CYB5B: variants seen among roughly 807,000 people sequenced by gnomAD.
CYB5B encodes the protein cytochrome b5 type B.
CYB5B carries 14 observed loss-of-function variants against 21.3 expected under a neutral mutation model. The observed-to-expected ratio is 0.66, with a 90% CI of 0.43 to 1.03. The LOEUF is 1.03. Among genes scored for constraint, CYB5B ranks in the 50% least tolerant of loss-of-function variants. The pLI is 0.00. For synonymous variants in CYB5B, 69 were observed against 68.4 expected (o/e 1.01, Z -0.04); for missense variants, 166 against 185.1 (o/e 0.90, Z 0.60).
chr16:69,436,084 T>C (rs1276713783), intron 1 of CYB5B, among the ~76,000 whole-genome samples: 2 of 152,252 alleles, frequency 1.3e-5, no homozygotes, highest in Non-Finnish European at 2.9e-5. Flanking sequence ...TCTACTTTCA[T>C]TTATTTATTC....
chr16:69,465,587 C>G lies in CYB5B; in HGVS notation c.*3067C>G, dbSNP rs2015081245. ...ATGCATATGTTGTGAAATCAGAACA[C>G]TGTCGAGTTTATACTCATTTAGCTG... On this transcript the variant is annotated 3_prime_UTR_variant, in exon 5 of 5. Transcript: ENST00000307892. The G allele has an allele frequency of 1.3e-5, 2 of 152,212 alleles. No homozygotes were observed. The highest frequency in any genetic ancestry group is 4.8e-5 in the African/African-American group (2 of 41,452). 9.4% of individuals were successfully genotyped at this position (152,212 alleles called of 1,614,324 possible).
At chr16:69,437,025 T>C (rs1473140654) in intron 1 of CYB5B, among the ~76,000 whole-genome samples, 3 of 152,238 alleles carry the variant, frequency 2.0e-5, no homozygotes, top group Non-Finnish European at 4.4e-5. Flanking sequence ...AGTCAGTAGA[T>C]TTCCCCTACT....
At chr16:69,445,603 A>C (rs1285766003) in intron 1 of CYB5B, among the ~76,000 whole-genome samples, 5 of 152,226 alleles carry the variant, frequency 3.3e-5, no homozygotes, top group African/African-American at 9.7e-5. Flanking sequence ...ATTTAAGTCA[A>C]GGACTGTGCT....
chr16:69,450,316 A>G (rs1395112967), intron 3 of CYB5B: 1 of 151,936 alleles, frequency 6.6e-6, no homozygotes. Context: ...ACCAAGTTCT[A>G]TAATAATTTA....
Position 69,453,916 on chromosome 16 carries a change from G to A in CYB5B, c.334-5177G>A, listed in dbSNP as rs372368474. Among the ~76,000 whole-genome samples the A allele has an allele frequency of 2.0e-3, 306 of 152,260 alleles. 1 individual carries two copies. The highest frequency in any genetic ancestry group is 6.6e-3 in the South Asian group (32 of 4,830). On this transcript the variant is annotated intron_variant, in intron 3 of 4. Coordinates refer to ENST00000307892, the MANE Select transcript of CYB5B (RefSeq NM_030579.3). Reference sequence around the variant, plus strand: ...TATTTTGTAACATAATCTTTTGAAAGAAAGCATAGAATGTGATGACAAAAT... The same window carrying A: ...TATTTTGTAACATAATCTTTTGAAAAAAAGCATAGAATGTGATGACAAAAT...
chr16:69,437,430 G>A (rs1197250045), intron 1 of CYB5B, among the ~76,000 whole-genome samples: 1 of 152,116 alleles, frequency 6.6e-6, no homozygotes, highest in East Asian at 1.9e-4. Flanking sequence ...AAAAAGTAGG[G>A]AGGAATTTTT....
At chr16:69,436,693 A>G (rs1408502842) in intron 1 of CYB5B, among the ~76,000 whole-genome samples, 1 of 152,174 alleles carries the variant, frequency 6.6e-6, no homozygotes, top group Non-Finnish European at 1.5e-5. Context: ...CTAATTTTGC[A>G]CTTCCTCAAT....
rs2015053873 is a variant in CYB5B, at chr16:69,463,260, C to T, written c.*740C>T. 6.6e-6 allele frequency: 1 copy of T among 152,136 alleles called. No individual in the cohort carries two copies. Among genetic ancestry groups the T allele is most frequent in the African/African-American group, 2.4e-5 (1 of 41,428 alleles). The allele number at this position is 152,136 out of a possible 1,614,324, so 9.4% of individuals were successfully genotyped here. On this transcript the variant is annotated 3_prime_UTR_variant, in exon 5 of 5. Transcript: ENST00000307892. ...TTTCAAGCTAGGGCAGCAGGTAGCTCTTCCCAGCCCCTGAGCCCAGCCCCT... is the reference window on the plus strand; with the variant it reads ...TTTCAAGCTAGGGCAGCAGGTAGCTTTTCCCAGCCCCTGAGCCCAGCCCCT...
At chr16:69,447,603 A>G (rs1425782730) in intron 2 of CYB5B, among the ~76,000 whole-genome samples, 1 of 148,990 alleles carries the variant, frequency 6.7e-6, no homozygotes, top group Non-Finnish European at 1.5e-5. Flanking sequence ...AGATTGCACC[A>G]CTGCACTCCA....
At chr16:69,430,355 A>G (rs2014692919) in intron 1 of CYB5B, among the ~76,000 whole-genome samples, 1 of 151,904 alleles carries the variant, frequency 6.6e-6, no homozygotes, top group Non-Finnish European at 1.5e-5. Context: ...AGCTGGGACT[A>G]CAGGTATGTA....
At chr16:69,429,749 A>G (rs963327647) in intron 1 of CYB5B, among the ~76,000 whole-genome samples, 2 of 151,654 alleles carry the variant, frequency 1.3e-5, no homozygotes, top group African/African-American at 2.4e-5. Context: ...ATAACACCAA[A>G]GTTTTTGGCT....
chr16:69,442,507 T>C (rs557322621), intron 1 of CYB5B, among the ~76,000 whole-genome samples: 92 of 152,126 alleles, frequency 6.0e-4, no homozygotes, highest in Middle Eastern at 3.4e-3. Flanking sequence ...TTTTAAATTA[T>C]TATTTTTTAC....
chr16:69,430,712 C>G lies in CYB5B; in HGVS notation c.174+5855C>G, dbSNP rs537684746. Reference sequence around the variant, plus strand: ...TTTTGAGACAGAGTTTCACTCTTGTCGCCCAGGCTGCAGTGCAATGGCATG... The same window carrying G: ...TTTTGAGACAGAGTTTCACTCTTGTGGCCCAGGCTGCAGTGCAATGGCATG... On this transcript the variant is annotated intron_variant, in intron 1 of 4. Coordinates refer to ENST00000307892, the MANE Select transcript of CYB5B (RefSeq NM_030579.3). Among the ~76,000 whole-genome samples the G allele has an allele frequency of 2.7e-5, 4 of 145,628 alleles. No individual in the cohort carries two copies. The East Asian group carries it at 8.0e-4, about 29-fold the overall frequency.
At chr16:69,442,903 C>A (rs2142817250) in intron 1 of CYB5B, among the ~76,000 whole-genome samples, 1 of 149,086 alleles carries the variant, frequency 6.7e-6, no homozygotes, top group South Asian at 2.1e-4. Flanking sequence ...ACTCCAAGTT[C>A]TGGCAGAGCT....
chr16:69,439,594 T>A (rs921713978), intron 1 of CYB5B, among the ~76,000 whole-genome samples: 1 of 152,046 alleles, frequency 6.6e-6, no homozygotes, highest in Non-Finnish European at 1.5e-5. Flanking sequence ...TTTGAGACAG[T>A]CTCACTCTGT....
chr16:69,432,877 A>G (rs974391865), intron 1 of CYB5B, among the ~76,000 whole-genome samples: 3 of 152,042 alleles, frequency 2.0e-5, no homozygotes, highest in African/African-American at 4.8e-5. Flanking sequence ...GCCCACTGCA[A>G]CTTCCACCTC....
intron 1 of CYB5B, among the ~76,000 whole-genome samples, chr16:69,442,166 T>A (rs2014830234): frequency 6.6e-6 from 1 of 152,204 alleles, no homozygotes; most frequent in Non-Finnish European, 1.5e-5. Context: ...CTTACTGTGA[T>A]TAAAAGTCAG....
In CYB5B at chr16:69,447,143, C is replaced by CT; in HGVS notation, c.175-5dup. 1 of 1,612,722 alleles carries CT rather than the reference C, an allele frequency of 6.2e-7. No homozygotes were observed. The highest frequency in any genetic ancestry group is 8.5e-7 in the Non-Finnish European group (1 of 1,179,336). ...CCCTCGGTTCAGTAAATATCTTTTC[C>CT]TTGTAGCACCCTGGAGGAGAAGAGG... On this transcript the variant is annotated splice_polypyrimidine_tract_variant and splice_region_variant and intron_variant, in intron 1 of 4. Transcript: ENST00000307892.
chr16:69,433,877 C>T (rs1420824339), intron 1 of CYB5B, among the ~76,000 whole-genome samples: 1 of 152,192 alleles, frequency 6.6e-6, no homozygotes, highest in Non-Finnish European at 1.5e-5. Flanking sequence ...GTATAGCCTG[C>T]TACACACCTT....
Sources: gnomAD v4.1 joint callset for allele counts (sites outside exome capture counted in the v4.1 genomes callset) on GRCh38, gnomAD v4.1.1 for gene constraint, MANE v1.5 for transcripts, NCBI Gene and HGNC (gene_info 2026-07-23, HGNC 2026-07-21) for gene names.